The following EHBP1 variants were observed in gnomAD, a reference collection of about 807,000 sequenced individuals.
EHBP1 encodes EH domain-binding protein 1.
In EHBP1, 55 loss-of-function variants were observed where a neutral mutation model predicts 144.0. The ratio of observed to expected loss-of-function variants is 0.38; its 90% CI spans 0.31 to 0.48. EHBP1 has a LOEUF of 0.48. Ranked by LOEUF, EHBP1 falls within the 20% of genes least tolerant of loss-of-function variation. EHBP1 has a pLI of 0.98. For synonymous variants in EHBP1, 469 were observed against 472.7 expected, an observed-to-expected ratio of 0.99 and a Z score of 0.10; for missense variants, 1,200 against 1,364.2, an observed-to-expected ratio of 0.88 and a Z score of 1.90.
intron 2 of EHBP1, among the ~76,000 whole-genome samples, chr2:62,715,750 G>A (rs1423016682): frequency 2.6e-5 from 4 of 152,252 alleles, no homozygotes; most frequent in Middle Eastern, 3.4e-3. Flanking sequence ...GGGATGATGG[G>A]TAACAAGACT....
chr2:62,716,180 A>T (rs763836290), intron 2 of EHBP1, among the ~76,000 whole-genome samples: 4 of 151,518 alleles, frequency 2.6e-5, no homozygotes, highest in Non-Finnish European at 5.9e-5. Flanking sequence ...CTGCCCCGCA[A>T]CCCCCCACCA....
chr2:62,809,513 A>G (rs2152525413), intron 5 of EHBP1, among the ~76,000 whole-genome samples: 2 of 152,004 alleles, frequency 1.3e-5, no homozygotes, highest in African/African-American at 2.4e-5. Flanking sequence ...TATAATTTCA[A>G]TTTTTATTTT....
intron 14 of EHBP1, among the ~76,000 whole-genome samples, chr2:62,957,209 T>A (rs1236531634): frequency 6.6e-6 from 1 of 152,122 alleles, no homozygotes; most frequent in Non-Finnish European, 1.5e-5. Context: ...ACTCAAGCAA[T>A]GTAATTGACA....
At chr2:62,979,069 CTATTTA>C in intron 14 of EHBP1, 113 bp from the exon 15 acceptor site, 1 of 910,164 alleles carries the variant, frequency 1.1e-6, no homozygotes. Flanking sequence ...ATAGAGCATC[CTATTTA>C]TAATGTGGGC....
chr2:62,674,177 A>G (rs1218454204), intron 1 of EHBP1: 14 of 470,644 alleles, frequency 3.0e-5, no homozygotes, highest in Non-Finnish European at 5.7e-5. Flanking sequence ...ATGGTCCTTG[A>G]TAACCTAGAT....
At chr2:62,795,488 C>G (rs939489392) in intron 5 of EHBP1, among the ~76,000 whole-genome samples, 3 of 152,038 alleles carry the variant, frequency 2.0e-5, no homozygotes, top group African/African-American at 7.2e-5. Flanking sequence ...TTCCCTCAGT[C>G]CAACTCCTTT....
intron 2 of EHBP1, among the ~76,000 whole-genome samples, chr2:62,719,193 G>A (rs375896005): frequency 6.6e-6 from 1 of 151,872 alleles, no homozygotes; most frequent in Non-Finnish European, 1.5e-5. Flanking sequence ...TCTTGAACAC[G>A]GGTCTGAAGT....
chr2:62,957,698 C>T (rs988673012), intron 14 of EHBP1, among the ~76,000 whole-genome samples: 4 of 127,816 alleles, frequency 3.1e-5, no homozygotes, highest in Admixed American at 2.8e-4. Context: ...CAGGCTGGAG[C>T]GCAGTGGTGC....
intron 19 of EHBP1, among the ~76,000 whole-genome samples, chr2:63,022,826 A>G (rs2060813581): frequency 6.6e-6 from 1 of 152,222 alleles, no homozygotes; most frequent in Admixed American, 6.5e-5. Flanking sequence ...CTCATCAGAA[A>G]AAGTTTACAG....
intron 2 of EHBP1, among the ~76,000 whole-genome samples, chr2:62,720,915 T>C (rs1053485068): frequency 5.3e-5 from 8 of 152,218 alleles, no homozygotes; most frequent in Non-Finnish European, 8.8e-5. Context: ...AAGCTTGATA[T>C]AGAGAGTTCT....
chr2:62,832,683 A>G (rs1415805167), intron 7 of EHBP1, among the ~76,000 whole-genome samples: 2 of 152,152 alleles, frequency 1.3e-5, no homozygotes, highest in African/African-American at 4.8e-5. Flanking sequence ...TTGAGGTGCC[A>G]TGAATTGCAC....
intron 1 of EHBP1, among the ~76,000 whole-genome samples, chr2:62,685,566 T>A (rs570002160): frequency 2.0e-5 from 3 of 152,292 alleles, no homozygotes; most frequent in East Asian, 1.9e-4. Context: ...GCCGACCTCA[T>A]CTTAACAAAT....
intron 7 of EHBP1, among the ~76,000 whole-genome samples, chr2:62,850,773 T>C (rs1411281681): frequency 1.3e-5 from 2 of 152,198 alleles, no homozygotes; most frequent in African/African-American, 4.8e-5. Context: ...GAATAAATTT[T>C]TGTTATAAAT....
intron 10 of EHBP1, among the ~76,000 whole-genome samples, chr2:62,930,624 A>G (rs2055908747): frequency 6.6e-6 from 1 of 152,170 alleles, no homozygotes; most frequent in Non-Finnish European, 1.5e-5. Flanking sequence ...TGATTTTAAA[A>G]CTTACTGCAC....
intron 19 of EHBP1, among the ~76,000 whole-genome samples, chr2:63,026,294 TTGTGTGTGTGTGTGTGTGTGTGTGTGTG>T (rs60109170): frequency 7.8e-6 from 1 of 129,024 alleles, no homozygotes; most frequent in Non-Finnish European, 1.6e-5. Context: ...GCTCTCTACC[TTGTGTGTGTGTGTGTGTGTGTGTGTGTG>T]TGTGTGTGTG....
chr2:63,010,927 T>A (rs1378135842), intron 19 of EHBP1, among the ~76,000 whole-genome samples: 1 of 151,730 alleles, frequency 6.6e-6, no homozygotes, highest in Non-Finnish European at 1.5e-5. Context: ...AACATTTCTT[T>A]GTACCAGTAT....
chr2:62,811,020 G>A (rs982573745), intron 5 of EHBP1, among the ~76,000 whole-genome samples: 4 of 152,058 alleles, frequency 2.6e-5, no homozygotes, highest in African/African-American at 9.7e-5. Context: ...GTATTTTAAT[G>A]TATATCTGTA....
At chr2:62,728,100 A>G (rs1017654224) in intron 2 of EHBP1, among the ~76,000 whole-genome samples, 3 of 152,244 alleles carry the variant, frequency 2.0e-5, no homozygotes, top group Admixed American at 6.5e-5. Flanking sequence ...CAACAAGGCT[A>G]TAAGTTAATT....
At chr2:62,860,055 A>G (rs192438736) in intron 8 of EHBP1, among the ~76,000 whole-genome samples, 4 of 152,268 alleles carry the variant, frequency 2.6e-5, no homozygotes, top group Admixed American at 2.6e-4. Flanking sequence ...TAGCAATATA[A>G]TTTCATAATT....
Sources: gnomAD v4.1 joint callset for allele counts (sites outside exome capture counted in the v4.1 genomes callset) on GRCh38, gnomAD v4.1.1 for gene constraint, MANE v1.5 for transcripts, NCBI Gene and HGNC (gene_info 2026-07-23, HGNC 2026-07-21) for gene names.